Variants in RAB40B observed in about 807,000 individuals in gnomAD.
RAB40B encodes ras-related protein Rab-40B.
Under a neutral mutation model 24.0 loss-of-function variants are expected in RAB40B, and 21 were observed. The ratio of observed to expected loss-of-function variants is 0.88; its 90% CI spans 0.62 to 1.26. The LOEUF is 1.26. RAB40B is among the 50% of genes most tolerant of loss of function. The probability of loss-of-function intolerance (pLI) is 0.00; values close to 1 mark genes in which losing one functional copy is unlikely to be tolerated. For synonymous variants in RAB40B, 167 were observed against 169.8 expected (o/e 0.98, Z 0.13); for missense variants, 348 against 390.5 (o/e 0.89, Z 0.92).
chr17:82,658,931 G>T, intron 4 of RAB40B: 1 of 547,500 alleles, frequency 1.8e-6, no homozygotes, highest in East Asian at 2.9e-5. Flanking sequence ...GGTGTCCTTG[G>T]GAGAAGAGAA....
intron 1 of RAB40B, among the ~76,000 whole-genome samples, chr17:82,688,026 C>T (rs1440738158): frequency 6.6e-6 from 1 of 152,054 alleles, no homozygotes; most frequent in Non-Finnish European, 1.5e-5. Context: ...AAGCTGTGAT[C>T]GCACCACTGC....
At chr17:82,689,825 G>A (rs1025685344) in intron 1 of RAB40B, among the ~76,000 whole-genome samples, 5 of 152,018 alleles carry the variant, frequency 3.3e-5, no homozygotes, top group Non-Finnish European at 5.9e-5. Flanking sequence ...AAAATTAGCT[G>A]GACGTGATGG....
At chr17:82,680,978 G>A (rs187712158) in intron 1 of RAB40B, among the ~76,000 whole-genome samples, 23 of 127,188 alleles carry the variant, frequency 1.8e-4, no homozygotes, top group East Asian at 1.5e-3. Flanking sequence ...CTGAGATTGC[G>A]CCATTGCACT....
chr17:82,682,560 A>G (rs2046457907), intron 1 of RAB40B, among the ~76,000 whole-genome samples: 1 of 152,232 alleles, frequency 6.6e-6, no homozygotes, highest in Non-Finnish European at 1.5e-5. Context: ...AACAAAGCCA[A>G]CATTTAAAAG....
intron 1 of RAB40B, among the ~76,000 whole-genome samples, chr17:82,674,178 TA>T (rs1359853242): frequency 6.6e-6 from 1 of 151,050 alleles, no homozygotes; most frequent in South Asian, 2.1e-4. Context: ...CCAACTCTAC[TA>T]AAAATACAAA....
At chr17:82,696,167 C>T (rs2046608084) in intron 1 of RAB40B, among the ~76,000 whole-genome samples, 2 of 152,146 alleles carry the variant, frequency 1.3e-5, no homozygotes. Flanking sequence ...CGCCCCCGGC[C>T]CGGTGGGAGG....
intron 3 of RAB40B, among the ~76,000 whole-genome samples, chr17:82,660,763 A>G (rs2046161376): frequency 1.3e-5 from 2 of 152,254 alleles, no homozygotes; most frequent in South Asian, 4.1e-4. Flanking sequence ...ACACGTGTAC[A>G]TGCACACACA....
rs546758482 is a variant in RAB40B, at chr17:82,694,523, C to A, written c.142+3932G>T. Among the ~76,000 whole-genome samples, 169 of 150,262 alleles carry A rather than the reference C, an allele frequency of 1.1e-3. 1 individual carries two copies. Among genetic ancestry groups the A allele is most frequent in the Non-Finnish European group, 1.4e-3 (97 of 67,802 alleles). On this transcript the variant is annotated intron_variant, in intron 1 of 5. Coordinates refer to ENST00000571995, the MANE Select transcript of RAB40B (RefSeq NM_006822.3). Reference sequence around the variant, plus strand: ...CTCCAACCTGGGCAACAGATTGAGACTACATCTAAGAAAAAAAAAATACAT... The same window carrying A: ...CTCCAACCTGGGCAACAGATTGAGAATACATCTAAGAAAAAAAAAATACAT...
chr17:82,684,275 A>G (rs1042232455), intron 1 of RAB40B, among the ~76,000 whole-genome samples: 1 of 151,792 alleles, frequency 6.6e-6, no homozygotes, highest in African/African-American at 2.4e-5. Context: ...ATGAGTGGCT[A>G]ACATTTAAAA....
chr17:82,676,557 C>T (rs1001319943), intron 1 of RAB40B, among the ~76,000 whole-genome samples: 7 of 151,992 alleles, frequency 4.6e-5, no homozygotes, highest in Admixed American at 2.6e-4. Flanking sequence ...CCTTTGCATT[C>T]GGATGGGTCC....
rs1292132974 is a variant in RAB40B, at chr17:82,658,794, G to A, written c.343-81C>T. 15 of 1,297,156 alleles carry A rather than the reference G, an allele frequency of 1.2e-5. No homozygotes were observed. In the South Asian group the frequency reaches 1.3e-4, roughly 11 times the overall value. The allele number at this position is 1,297,156 out of a possible 1,614,324, so 80.4% of individuals were successfully genotyped here. ...CGTCGTAATGTGGGTGCTCTGGGTC[G>A]AGGAACCCCCCACGAGTTCATGTCC... On this transcript the variant is annotated intron_variant, in intron 4 of 5. Coordinates refer to ENST00000571995, the MANE Select transcript of RAB40B (RefSeq NM_006822.3).
At chr17:82,676,457 C>T (rs1224731346) in intron 1 of RAB40B, among the ~76,000 whole-genome samples, 3 of 149,668 alleles carry the variant, frequency 2.0e-5, no homozygotes, top group African/African-American at 7.4e-5. Context: ...CACAGGGCAC[C>T]CCCGACCTTC....
At chr17:82,658,441 C>T in intron 5 of RAB40B, 50 bp downstream of exon 5, 3 of 1,592,872 alleles carry the variant, frequency 1.9e-6, no homozygotes, top group Non-Finnish European at 2.6e-6. Flanking sequence ...GCTGACCCAC[C>T]TCGGCATCTG....
chr17:82,660,488 C>G (rs1008212692), intron 3 of RAB40B, among the ~76,000 whole-genome samples: 1 of 146,130 alleles, frequency 6.8e-6, no homozygotes, highest in Non-Finnish European at 1.5e-5. Context: ...CACACGTGTA[C>G]ACATACACGC....
chr17:82,686,827 C>T (rs2046506750), intron 1 of RAB40B, among the ~76,000 whole-genome samples: 2 of 152,196 alleles, frequency 1.3e-5, no homozygotes, highest in African/African-American at 4.8e-5. Flanking sequence ...CTCTGGAGCC[C>T]CCCACCTTCC....
Position 82,658,108 on chromosome 17 carries a change from G to A in RAB40B, c.592C>T (p.Arg198Trp), listed in dbSNP as rs1434431872. ...ACCGGCGTGCAGGACACGACCGCCC[G>A]GCAGCAGAGGTCTTGCAAGCTCAGC... ...KVLSLQDLCC[R>W]AVVSCTPVHL... The change falls in exon 6 of 6, where the codon CGG becomes TGG. Residue 198 changes from arginine to tryptophan, a missense_variant. Physicochemically the swap from Arg to Trp is moderately radical, Grantham distance 101. Around this residue, in one of 3 missense-constraint regions of RAB40B, gnomAD observed 121 missense variants for 124.0 expected, o/e 0.98. Coordinates refer to ENST00000571995, the MANE Select transcript of RAB40B (RefSeq NM_006822.3). The A allele has an allele frequency of 1.3e-5, 21 of 1,613,970 alleles. No homozygotes were observed. Among genetic ancestry groups the A allele is most frequent in the East Asian group, 4.5e-5 (2 of 44,894 alleles).
Position 82,657,911 on chromosome 17 carries a change from G to A in RAB40B, c.789C>T (p.Pro263=), listed in dbSNP as rs147219869. 2.5e-6 allele frequency: 4 copies of A among 1,612,910 alleles called. No homozygotes were observed. The highest frequency in any genetic ancestry group is 2.2e-5 in the East Asian group (1 of 44,848). The part of the protein sequence containing the change: ...SLRKVKLVRP[P]QSPPKNCTRN... The stretch of plus-strand genomic sequence containing the variant: ...TGGTGCAGTTTTTGGGGGGGCTCTG[G>A]GGGGGGCGGACGAGCTTCACTTTGC... Residue 263 remains proline, a synonymous_variant, in exon 6 of 6, where the codon CCC becomes CCT. Coordinates refer to ENST00000571995, the MANE Select transcript of RAB40B (RefSeq NM_006822.3).
At chr17:82,676,168 G>C (rs1457830005) in intron 1 of RAB40B, among the ~76,000 whole-genome samples, 1 of 152,190 alleles carries the variant, frequency 6.6e-6, no homozygotes, top group Non-Finnish European at 1.5e-5. Context: ...TGCACCTGCT[G>C]CCAGCAGTCC....
At chr17:82,698,425 C>A in intron 1 of RAB40B, 30 bp downstream of exon 1, 1 of 1,304,624 alleles carries the variant, frequency 7.7e-7, no homozygotes, top group Non-Finnish European at 9.8e-7. Context: ...CCCGCGCCCG[C>A]ACCCCGGCAC....
Sources: gnomAD v4.1 joint callset for allele counts (sites outside exome capture counted in the v4.1 genomes callset) on GRCh38, gnomAD v4.1.1 for gene constraint, gnomAD v4.1.1 regional missense constraint, MANE v1.5 for transcripts, NCBI Gene and HGNC (gene_info 2026-07-23, HGNC 2026-07-21) for gene names.